Variants in STK3 observed in about 807,000 individuals in gnomAD.
STK3 encodes serine/threonine-protein kinase 3.
STK3 carries 41 observed loss-of-function variants against 58.0 expected under a neutral mutation model. The ratio of observed to expected loss-of-function variants is 0.71; its 90% CI spans 0.55 to 0.92. The LOEUF (loss-of-function observed/expected upper bound fraction) is 0.92, where lower values mean the gene tolerates loss of function less well. STK3 is among the 40% of genes least tolerant of loss of function. STK3 has a pLI of 0.00. For missense variants in STK3, 479 were observed against 602.7 expected, an observed-to-expected ratio of 0.79 and a Z score of 2.15; for synonymous variants, 170 against 191.0, an observed-to-expected ratio of 0.89 and a Z score of 0.91.
chr8:98,619,301 T>C (rs1490723185), intron 6 of STK3, among the ~76,000 whole-genome samples: 6 of 151,326 alleles, frequency 4.0e-5, no homozygotes, highest in Non-Finnish European at 8.8e-5. Context: ...TTACACCTTA[T>C]ACAAAAATCA....
At chr8:98,579,259 G>A (rs1813662167) in intron 8 of STK3, among the ~76,000 whole-genome samples, 1 of 152,148 alleles carries the variant, frequency 6.6e-6, no homozygotes, top group Non-Finnish European at 1.5e-5. Flanking sequence ...TTAATAGCTA[G>A]TTTAATATGC....
intron 6 of STK3, among the ~76,000 whole-genome samples, chr8:98,687,929 A>G (rs749549704): frequency 2.0e-5 from 3 of 152,216 alleles, no homozygotes; most frequent in Non-Finnish European, 2.9e-5. Flanking sequence ...TCACATATCA[A>G]TATTAACCTT....
downstream of STK3, among the ~76,000 whole-genome samples, chr8:98,367,757 C>T (rs942004778): frequency 1.3e-5 from 2 of 152,234 alleles, no homozygotes; most frequent in African/African-American, 4.8e-5. Flanking sequence ...TTCGGGGCAA[C>T]TCTCTGGCTA....
intron 3 of STK3, among the ~76,000 whole-genome samples, chr8:98,757,909 T>C (rs1325174266): frequency 6.6e-6 from 1 of 152,216 alleles, no homozygotes; most frequent in African/African-American, 2.4e-5. Context: ...TGAGCAGGAT[T>C]GTCAAGGATC....
intron 4 of STK3, among the ~76,000 whole-genome samples, chr8:98,738,830 T>C (rs1587470400): frequency 6.6e-6 from 1 of 152,206 alleles, no homozygotes; most frequent in East Asian, 1.9e-4. Flanking sequence ...GGAGTTCCCT[T>C]TCCTAGTCAA....
At chr8:98,914,712 C>CCCA (rs1250126654) in intron 1 of STK3, among the ~76,000 whole-genome samples, 2 of 152,086 alleles carry the variant, frequency 1.3e-5, no homozygotes. Context: ...TGGAGCCAGC[C>CCCA]CCACATGCTT....
chr8:98,697,601 T>G (rs1825092769), intron 6 of STK3, among the ~76,000 whole-genome samples: 1 of 152,218 alleles, frequency 6.6e-6, no homozygotes, highest in Admixed American at 6.5e-5. Context: ...ATTTCTGCCT[T>G]CATTTTGTTA....
intron 1 of STK3, among the ~76,000 whole-genome samples, chr8:98,444,442 AG>A (rs1818847508): frequency 6.6e-6 from 1 of 152,184 alleles, no homozygotes; most frequent in Admixed American, 6.5e-5. Flanking sequence ...TCGACTGAGG[AG>A]GAACAAGCCT....
chr8:98,440,564 C>T (rs991770100), intron 1 of STK3, among the ~76,000 whole-genome samples: 2 of 149,946 alleles, frequency 1.3e-5, no homozygotes, highest in Admixed American at 6.6e-5. Flanking sequence ...TACATAAGCA[C>T]GTGTGTGTGT....
At chr8:98,810,370 C>A (rs900763959) in intron 1 of STK3, among the ~76,000 whole-genome samples, 8 of 151,938 alleles carry the variant, frequency 5.3e-5, no homozygotes, top group Non-Finnish European at 1.5e-5. Context: ...TGCACTATTT[C>A]ACTCTCCTAC....
At chr8:98,363,349 C>T in the STK3 span, among the ~76,000 whole-genome samples, 2 of 152,060 alleles carry the variant, frequency 1.3e-5, no homozygotes, top group East Asian at 1.9e-4. Context: ...GGAAATGCAC[C>T]CCCAGAAAAT....
chr8:98,789,511 A>C (rs1270297023), intron 1 of STK3, among the ~76,000 whole-genome samples: 1 of 152,206 alleles, frequency 6.6e-6, no homozygotes, highest in Non-Finnish European at 1.5e-5. Flanking sequence ...AACATTAACA[A>C]GATTACCAAG....
chr8:98,676,569 T>C (rs1823229012), intron 6 of STK3, among the ~76,000 whole-genome samples: 1 of 150,560 alleles, frequency 6.6e-6, no homozygotes, highest in African/African-American at 2.5e-5. Flanking sequence ...GCTAAGATCA[T>C]GCCATTGCAC....
intron 6 of STK3, among the ~76,000 whole-genome samples, chr8:98,605,181 C>T (rs1252601078): frequency 6.6e-6 from 1 of 152,150 alleles, no homozygotes; most frequent in African/African-American, 2.4e-5. Flanking sequence ...CTGCCTGTTA[C>T]CCACTTTCAA....
rs574426255 is a variant in STK3, at chr8:98,609,937, A to C, written c.685-13768T>G. Among the ~76,000 whole-genome samples, 112 of 151,766 alleles carry C rather than the reference A, an allele frequency of 7.4e-4. 1 individual carries two copies. Among genetic ancestry groups the C allele is most frequent in the African/African-American group, 2.7e-3 (111 of 41,400 alleles). On this transcript the variant is annotated intron_variant, in intron 6 of 10. Coordinates refer to ENST00000419617, the MANE Select transcript of STK3 (RefSeq NM_006281.4). The stretch of plus-strand genomic sequence containing the variant: ...ATCAGAGATCGCACCACCGCACTCC[A>C]GCCTGGGTGACACAGTGAGACTCCG...
chr8:98,786,428 G>A (rs866937184), intron 1 of STK3, among the ~76,000 whole-genome samples: 11 of 152,240 alleles, frequency 7.2e-5, no homozygotes, highest in East Asian at 1.9e-4. Flanking sequence ...TGCACCTATC[G>A]TTCTAGCTAC....
intron 6 of STK3, among the ~76,000 whole-genome samples, chr8:98,630,631 G>T (rs1302841516): frequency 6.6e-6 from 1 of 150,830 alleles, no homozygotes; most frequent in Middle Eastern, 3.4e-3. Context: ...TGACAGAGAG[G>T]AACAGAAGAA....
intron 3 of STK3, among the ~76,000 whole-genome samples, chr8:98,840,600 T>TATATATATATAC (rs1835939342): frequency 1.6e-5 from 1 of 64,146 alleles, no homozygotes; most frequent in Admixed American, 2.4e-4. Flanking sequence ...TATATATATA[T>TATATATATATAC]ATATATATAT....
chr8:98,785,512 G>A (rs983350347), intron 1 of STK3, among the ~76,000 whole-genome samples: 4 of 152,158 alleles, frequency 2.6e-5, no homozygotes, highest in Admixed American at 6.5e-5. Flanking sequence ...TGGAGGGTCT[G>A]GCGGTGAGCC....
Sources: allele counts gnomAD v4.1 joint callset (sites outside exome capture counted in the v4.1 genomes callset), GRCh38; gene constraint gnomAD v4.1.1; transcripts MANE v1.5; gene names NCBI Gene and HGNC (gene_info 2026-07-23, HGNC 2026-07-21).